The following CCNG1 variants were observed in gnomAD, a reference collection of about 807,000 sequenced individuals.
CCNG1 encodes the protein cyclin G1, also known as cyclin-G1.
A neutral mutation model predicts 30.0 loss-of-function variants in CCNG1; 13 were observed. The observed-to-expected ratio is 0.43, with a 90% confidence interval of 0.28 to 0.69. The LOEUF is 0.69. Among genes scored for constraint, CCNG1 ranks in the 30% least tolerant of loss-of-function variants. The pLI is 0.16. For missense variants in CCNG1, 285 were observed against 331.4 expected, an observed-to-expected ratio of 0.86 and a Z score of 1.09; for synonymous variants, 110 against 121.5, an observed-to-expected ratio of 0.91 and a Z score of 0.62.
downstream of CCNG1, chr5:163,448,881 A>AG (rs1758107401): frequency 6.6e-6 from 1 of 152,248 alleles, no homozygotes; most frequent in Non-Finnish European, 1.5e-5. Context: ...TGATACAGAA[A>AG]GAGCATAGAA....
At chr5:163,455,073 T>G in the CCNG1 span, among the ~76,000 whole-genome samples, 1 of 150,752 alleles carries the variant, frequency 6.6e-6, no homozygotes, top group Admixed American at 6.6e-5. Context: ...AAACAGGTAG[T>G]GGGCCAAATT....
At chr5:163,439,877 T>G (rs1177734558) in intron 2 of CCNG1, among the ~76,000 whole-genome samples, 1 of 152,146 alleles carries the variant, frequency 6.6e-6, no homozygotes, top group Non-Finnish European at 1.5e-5. Context: ...GAGGCTACAT[T>G]GTGGCTAAGA....
chr5:163,442,147 T>TG lies in CCNG1; in HGVS notation c.696+5dup. On this transcript the variant is annotated splice_donor_region_variant and intron_variant, in intron 5 of 6. Transcript: ENST00000340828. ...ATGTCTTCAGAAACATTCCAAGGTATGTGAAGGACATAGCCTAAATCCTAT... is the reference window on the plus strand; with the variant it reads ...ATGTCTTCAGAAACATTCCAAGGTATGGTGAAGGACATAGCCTAAATCCTAT... 1 of 1,571,596 alleles carries TG rather than the reference T, an allele frequency of 6.4e-7. No individual in the cohort carries two copies. Among genetic ancestry groups the TG allele is most frequent in the South Asian group, 1.1e-5 (1 of 89,168 alleles).
chr5:163,455,583 G>A, the CCNG1 span, among the ~76,000 whole-genome samples: 1 of 152,180 alleles, frequency 6.6e-6, no homozygotes, highest in Non-Finnish European at 1.5e-5. Context: ...CCAACACGGT[G>A]AAACCCCACC....
the CCNG1 span, among the ~76,000 whole-genome samples, chr5:163,455,043 C>T: frequency 6.6e-6 from 1 of 151,496 alleles, no homozygotes; most frequent in Non-Finnish European, 1.5e-5. Flanking sequence ...TGAGCATATA[C>T]GTATCCTAGA....
chr5:163,455,162 G>A, the CCNG1 span, among the ~76,000 whole-genome samples: 3 of 151,390 alleles, frequency 2.0e-5, no homozygotes, highest in Admixed American at 6.6e-5. Context: ...AAAAAAAACA[G>A]GATAAGGGAA....
At chr5:163,457,293 G>A in the CCNG1 span, among the ~76,000 whole-genome samples, 4 of 151,994 alleles carry the variant, frequency 2.6e-5, no homozygotes, top group African/African-American at 7.3e-5. Context: ...CACCATGCCC[G>A]GCTAACTTTT....
At chr5:163,454,730 C>T in the CCNG1 span, among the ~76,000 whole-genome samples, 2 of 152,158 alleles carry the variant, frequency 1.3e-5, no homozygotes, top group African/African-American at 4.8e-5. Flanking sequence ...CACAACAGTC[C>T]TGTGAAGTAC....
At chr5:163,453,101 C>T in the CCNG1 span, 2 of 152,114 alleles carry the variant, frequency 1.3e-5, no homozygotes, top group African/African-American at 2.4e-5. Context: ...GGAATCATGT[C>T]TTCAACTAAA....
At chr5:163,454,115 G>C in the CCNG1 span, 1 of 773,650 alleles carries the variant, frequency 1.3e-6, no homozygotes, top group Non-Finnish European at 2.0e-6. Flanking sequence ...GTACAAACTG[G>C]CAATTGATAA....
chr5:163,453,828 A>G, the CCNG1 span: 3 of 438,960 alleles, frequency 6.8e-6, no homozygotes, highest in Admixed American at 8.2e-5. Flanking sequence ...GTTTGAATGC[A>G]ATTTTTAGAA....
chr5:163,448,023 T>G (rs1758082281), downstream of CCNG1: 1 of 151,918 alleles, frequency 6.6e-6, no homozygotes, highest in African/African-American at 2.4e-5. Flanking sequence ...TAACTGGGTG[T>G]GGTGGCACAC....
rs1157953706 is a variant in CCNG1, at chr5:163,442,411, T to C, written c.734T>C (p.Val245Ala). The part of the protein sequence containing the change: ...GRDLTFWQEL[V>A]SKCLTEYSSN... ...GATCTGACCTTCTGGCAAGAGCTTG[T>C]ATCCAAATGTTTAACTGAATATTCA... is the stretch of plus-strand genomic sequence containing the variant. The change falls in exon 6 of 7, where the codon GTA becomes GCA. Residue 245 changes from valine to alanine, a missense_variant. Coordinates refer to ENST00000340828, the MANE Select transcript of CCNG1 (RefSeq NM_004060.4). 1.2e-6 allele frequency: 2 copies of C among 1,613,510 alleles called. No individual in the cohort carries two copies. Among genetic ancestry groups the C allele is most frequent in the Non-Finnish European group, 1.7e-6 (2 of 1,179,848 alleles).
At chr5:163,449,730 C>G (rs974300538), downstream of CCNG1, 1 of 152,078 alleles carries the variant, frequency 6.6e-6, no homozygotes, top group Admixed American at 6.6e-5. Context: ...ACACATAGAT[C>G]GATGGAATAA....
In CCNG1 at chr5:163,444,215, G is replaced by A. The variant is rs1757966089; in HGVS notation, c.*545G>A. On this transcript the variant is annotated 3_prime_UTR_variant, in exon 7 of 7. Coordinates refer to ENST00000340828, the MANE Select transcript of CCNG1 (RefSeq NM_004060.4). Reference sequence around the variant, plus strand: ...TAATGCAAGTAATAGGTAATCTAGAGATGTGGACTTTATTGCTATATGGGA... The same window carrying A: ...TAATGCAAGTAATAGGTAATCTAGAAATGTGGACTTTATTGCTATATGGGA... 1 of 152,748 alleles carries A rather than the reference G, an allele frequency of 6.5e-6. No homozygotes were observed. Among genetic ancestry groups the A allele is most frequent in the Non-Finnish European group, 1.5e-5 (1 of 68,142 alleles). The allele number at this position is 152,748 out of a possible 1,614,324, so 9.5% of individuals were successfully genotyped here.
At chr5:163,450,278 A>G (rs568103843), downstream of CCNG1, 7 of 152,252 alleles carry the variant, frequency 4.6e-5, no homozygotes, top group African/African-American at 1.4e-4. Flanking sequence ...GAAAAAAGAA[A>G]AATTCCTCAT....
In CCNG1 at chr5:163,439,433, TCTTAGTCTAA is replaced by T; in HGVS notation, c.180_189del (p.Leu62SerfsTer11). ...TAAGGGACTTTGAAGTAAAAGATCT[TCTTAGTCTAA>T]CTCAGTTCTTTGGCTTTGACACAGA... On this transcript the variant is annotated frameshift_variant, in exon 2 of 7. Transcript: ENST00000340828. LOFTEE classifies it high-confidence loss of function. 6.2e-7 allele frequency: 1 copy of T among 1,613,856 alleles called. No individual in the cohort carries two copies. The highest frequency in any genetic ancestry group is 8.5e-7 in the Non-Finnish European group (1 of 1,179,700).
chr5:163,441,666 T>C, intron 3 of CCNG1: 1 of 536,654 alleles, frequency 1.9e-6, no homozygotes. Flanking sequence ...GGCATAGTAC[T>C]ATTCATTTTA....
chr5:163,442,222 A>C (rs1370722158), intron 5 of CCNG1, 79 bp downstream of exon 5: 1 of 1,128,580 alleles, frequency 8.9e-7, no homozygotes, highest in African/African-American at 1.6e-5. Context: ...AAGTAAAATG[A>C]GATGTCATAT....
Sources: allele counts gnomAD v4.1 joint callset (sites outside exome capture counted in the v4.1 genomes callset), GRCh38; gene constraint gnomAD v4.1.1; transcripts MANE v1.5; gene names NCBI Gene and HGNC (gene_info 2026-07-23, HGNC 2026-07-21).